The following PHACTR3 variants were observed in gnomAD, a reference collection of about 807,000 sequenced individuals.
The protein encoded by PHACTR3 is phosphatase and actin regulator 3.
PHACTR3 carries 16 observed loss-of-function variants against 66.8 expected under a neutral mutation model. The ratio of observed to expected loss-of-function variants is 0.24; its 90% CI spans 0.16 to 0.36. PHACTR3 has a LOEUF of 0.36. Among genes scored for constraint, PHACTR3 ranks in the 10% least tolerant of loss-of-function variants. PHACTR3 has a pLI of 1.00. For synonymous variants in PHACTR3, 323 were observed against 292.1 expected, an observed-to-expected ratio of 1.11 and a Z score of -1.08; for missense variants, 647 against 719.9, an observed-to-expected ratio of 0.90 and a Z score of 1.16.
rs6147397 is a variant in PHACTR3 at position 59,776,745 on chromosome 20, GGCAGCGTGGTTGAGCCA to G, written c.1174+2270_1174+2286del. 1.7e-4 allele frequency among the ~76,000 whole-genome samples: 26 copies of G among 151,038 alleles called. No individual in the cohort carries two copies. In the East Asian group the frequency reaches 4.9e-3, roughly 28 times the overall value. The stretch of plus-strand genomic sequence containing the variant: ...CGGATATGACCTCAAAACCCTCTGT[GGCAGCGTGGTTGAGCCA>G]GCAGCGTGGTTGAGACACAGAGTTT... On this transcript the variant is annotated intron_variant, in intron 7 of 12. Coordinates refer to ENST00000371015, the MANE Select transcript of PHACTR3 (RefSeq NM_080672.5).
chr20:59,666,808 G>A (rs530928945), intron 1 of PHACTR3, among the ~76,000 whole-genome samples: 2 of 152,194 alleles, frequency 1.3e-5, no homozygotes, highest in Non-Finnish European at 2.9e-5. Context: ...GCAGGCTCGC[G>A]GTCCAGGTCC....
intron 1 of PHACTR3, among the ~76,000 whole-genome samples, chr20:59,723,244 C>A (rs1209898334): frequency 6.6e-6 from 1 of 152,036 alleles, no homozygotes; most frequent in East Asian, 1.9e-4. Flanking sequence ...AAAACACTTT[C>A]ATCATCCCAA....
intron 1 of PHACTR3, among the ~76,000 whole-genome samples, chr20:59,659,370 CTTTTT>C (rs757895372): frequency 1.1e-5 from 1 of 92,786 alleles, no homozygotes; most frequent in Non-Finnish European, 2.0e-5. Flanking sequence ...GGGTCTGGGA[CTTTTT>C]TTTTTTTTTT....
At chr20:59,602,501 G>A (rs2033509348), upstream of PHACTR3, among the ~76,000 whole-genome samples, 1 of 151,596 alleles carries the variant, frequency 6.6e-6, no homozygotes, top group South Asian at 2.1e-4. Flanking sequence ...GCAAAGAGTT[G>A]ATTTAAAGAC....
rs928769768 is a variant in PHACTR3 at position 59,767,289 on chromosome 20, C to T, written c.645C>T (p.Asp215=). The T allele has an allele frequency of 6.2e-7, 1 of 1,614,134 alleles. No individual in the cohort carries two copies. Among genetic ancestry groups the T allele is most frequent in the Non-Finnish European group, 8.5e-7 (1 of 1,180,044 alleles). ...CCTTAGCTGGGGCTGACTCCCTGGA[C>T]AGTCCTCCCAGACCTCTGGAGAGAT... The part of the protein sequence containing the change: ...SQALAGADSL[D]SPPRPLERSV... The change falls in exon 5 of 13, where the codon GAC becomes GAT. Residue 215 remains aspartate (D), a synonymous_variant. Transcript: ENST00000371015.
chr20:59,718,043 T>C (rs2038158858), intron 1 of PHACTR3, among the ~76,000 whole-genome samples: 2 of 152,216 alleles, frequency 1.3e-5, no homozygotes, highest in African/African-American at 4.8e-5. Flanking sequence ...TCTTAGAAGC[T>C]AGGGGCTGGG....
intron 1 of PHACTR3, among the ~76,000 whole-genome samples, chr20:59,664,204 G>A (rs1267379074): frequency 6.6e-6 from 1 of 152,208 alleles, no homozygotes; most frequent in Non-Finnish European, 1.5e-5. Context: ...AGATAAGGCT[G>A]TGAACAATCC....
At chr20:59,675,004 T>TCCTGTTCCTCCCCATTCTCCTC (rs1227750458) in intron 1 of PHACTR3, among the ~76,000 whole-genome samples, 3 of 70,358 alleles carry the variant, frequency 4.3e-5, no homozygotes, top group Non-Finnish European at 2.5e-5. Context: ...TTCCCCCTTC[T>TCCTGTTCCTCCCCATTCTCCTC]CCTGTTCCTC....
Position 59,783,500 on chromosome 20 carries a change from A to G in PHACTR3, c.1174+9010A>G, listed in dbSNP as rs1299485820. On this transcript the variant is annotated intron_variant, in intron 7 of 12. Transcript: ENST00000371015. ...TCAAGTACCTTGATAAGCACTTTTC[A>G]TGCATTTTATTGCCTAAGTCCCTTG... Among the ~76,000 whole-genome samples the G allele has an allele frequency of 2.2e-5, 3 of 136,612 alleles. No homozygotes were observed. In the East Asian group the frequency reaches 6.4e-4, roughly 29 times the overall value. 89.6% of individuals were successfully genotyped at this position (136,612 alleles called of 152,430 possible). A position where few individuals can be genotyped will look rare whatever the true frequency, so the allele number is the denominator to read the frequency against.
intron 8 of PHACTR3, among the ~76,000 whole-genome samples, chr20:59,821,041 G>A (rs1183256590): frequency 6.6e-6 from 1 of 152,200 alleles, no homozygotes; most frequent in African/African-American, 2.4e-5. Context: ...CACAACCATA[G>A]CTCACTAACA....
At chr20:59,698,057 A>G (rs779693197) in intron 1 of PHACTR3, among the ~76,000 whole-genome samples, 5 of 152,206 alleles carry the variant, frequency 3.3e-5, no homozygotes, top group East Asian at 3.8e-4. Context: ...CAATATCAAC[A>G]TTGTGTGTAA....
At position 59,738,150 on chromosome 20, in the gene PHACTR3, C is replaced by T. The variant is rs1482625931; in HGVS notation, c.119-4957C>T. Among the ~76,000 whole-genome samples, 1 of 152,040 alleles carries T rather than the reference C, an allele frequency of 6.6e-6. No individual in the cohort carries two copies. The highest frequency in any genetic ancestry group is 1.5e-5 in the Non-Finnish European group (1 of 68,002). ...CACAGCAAGAAGGAGACACCATACC[C>T]CCCAGCAAGGCCCTGGCAAAGGGGA... On this transcript the variant is annotated intron_variant, in intron 1 of 12. Transcript: ENST00000371015. This position sits in a 1 kb window ranked among gnomAD's most constrained non-coding sequence, Gnocchi z 4.4.
At chr20:59,747,715 C>T (rs2039425520) in intron 2 of PHACTR3, 43 bp from the exon 3 acceptor site, 6 of 1,601,252 alleles carry the variant, frequency 3.7e-6, no homozygotes, top group Non-Finnish European at 4.3e-6. Flanking sequence ...GGCCCAGTGA[C>T]ACCTTTGCCT....
chr20:59,696,932 G>T (rs2037319811), intron 1 of PHACTR3, among the ~76,000 whole-genome samples: 1 of 152,222 alleles, frequency 6.6e-6, no homozygotes, highest in African/African-American at 2.4e-5. Context: ...CCTGGGGGAT[G>T]GAGACTGAAT....
chr20:59,838,907 G>C (rs998858327), intron 9 of PHACTR3, among the ~76,000 whole-genome samples: 8 of 152,098 alleles, frequency 5.3e-5, no homozygotes, highest in African/African-American at 1.7e-4. Context: ...AGGCTAACAG[G>C]GAGGACTTCT....
At chr20:59,611,139 C>T (rs896569582) in intron 1 of PHACTR3, among the ~76,000 whole-genome samples, 1 of 152,234 alleles carries the variant, frequency 6.6e-6, no homozygotes, top group Non-Finnish European at 1.5e-5. Context: ...TTGGGCAAGT[C>T]ACTTTACCTC....
intron 8 of PHACTR3, among the ~76,000 whole-genome samples, chr20:59,814,768 C>A (rs890207401): frequency 6.6e-6 from 1 of 152,096 alleles, no homozygotes; most frequent in African/African-American, 2.4e-5. Context: ...ATCTGTCTCT[C>A]GGGAATGGAG....
At chr20:59,645,221 C>CT (rs11470114) in intron 1 of PHACTR3, among the ~76,000 whole-genome samples, 1,788 of 120,542 alleles carry the variant, frequency 0.015, 15 homozygotes, top group African/African-American at 0.017. Flanking sequence ...GTTAGCAGAT[C>CT]TTTTTTTTTT....
chr20:59,578,115 C>G (rs1170371387), intron 1 of PHACTR3, among the ~76,000 whole-genome samples: 1 of 152,240 alleles, frequency 6.6e-6, no homozygotes, highest in East Asian at 1.9e-4. Context: ...ACTGGCCCCT[C>G]GCCCCCTGCT....
Sources: gnomAD v4.1 joint callset for allele counts (sites outside exome capture counted in the v4.1 genomes callset) on GRCh38, gnomAD v4.1.1 for gene constraint, Gnocchi (gnomAD v3.1) non-coding constraint, MANE v1.5 for transcripts, NCBI Gene and HGNC (gene_info 2026-07-23, HGNC 2026-07-21) for gene names.